Variants in SMCO4 observed in about 807,000 individuals in gnomAD.
SMCO4 encodes the protein single-pass membrane and coiled-coil domain-containing protein 4.
Under a neutral mutation model 3.6 loss-of-function variants are expected in SMCO4, and 4 were observed. The ratio of observed to expected loss-of-function variants is 1.11; its 90% CI spans 0.54 to 2.53. SMCO4 has a LOEUF of 2.53. Ranked by LOEUF, SMCO4 falls within the 30% of genes most tolerant of loss-of-function variation. The pLI, the probability that SMCO4 is intolerant of heterozygous loss-of-function variation, is 0.02. For missense variants in SMCO4, 70 were observed against 80.8 expected, an observed-to-expected ratio of 0.87 and a Z score of 0.51; for synonymous variants, 36 against 35.3, an observed-to-expected ratio of 1.02 and a Z score of -0.07.
At chr11:93,517,186 G>A (rs1019042054) in intron 1 of SMCO4, among the ~76,000 whole-genome samples, 16 of 152,130 alleles carry the variant, frequency 1.1e-4, no homozygotes, top group Admixed American at 9.2e-4. Flanking sequence ...CATCTCCATC[G>A]ATGTGTGCTC....
intron 2 of SMCO4, among the ~76,000 whole-genome samples, chr11:93,497,194 G>A (rs1462916477): frequency 6.6e-6 from 1 of 152,122 alleles, no homozygotes; most frequent in Non-Finnish European, 1.5e-5. Flanking sequence ...ATTAAAAGTT[G>A]AGCAATTTTT....
intron 2 of SMCO4, among the ~76,000 whole-genome samples, chr11:93,489,849 CTCAACTCTGTTCTT>C (rs1438694141): frequency 6.6e-6 from 1 of 151,828 alleles, no homozygotes; most frequent in Non-Finnish European, 1.5e-5. Context: ...ATGCTAGACT[CTCAACTCTGTTCTT>C]TCAACTAAGC....
chr11:93,488,821 C>G (rs1359019606), intron 2 of SMCO4, among the ~76,000 whole-genome samples: 1 of 152,040 alleles, frequency 6.6e-6, no homozygotes, highest in Non-Finnish European at 1.5e-5. Context: ...GGACTAAGCC[C>G]TGGAGCAATC....
intron 1 of SMCO4, among the ~76,000 whole-genome samples, chr11:93,539,621 T>C (rs1244246990): frequency 6.6e-6 from 1 of 152,176 alleles, no homozygotes; most frequent in East Asian, 1.9e-4. Context: ...AATTCTGGCA[T>C]CAGTCACAAC....
At chr11:93,514,374 CTATATATATA>C (rs148462986) in intron 1 of SMCO4, among the ~76,000 whole-genome samples, 1,044 of 38,846 alleles carry the variant, frequency 0.027, 28 homozygotes, top group Admixed American at 0.053. Flanking sequence ...CAGGATGAGG[CTATATATATA>C]TATATATATA....
intron 1 of SMCO4, among the ~76,000 whole-genome samples, chr11:93,534,215 TACACACACACACAC>T (rs71064754): frequency 1.6e-4 from 20 of 128,416 alleles, no homozygotes; most frequent in Admixed American, 4.2e-4. Context: ...AATATATATA[TACACACACACACAC>T]ACACACACAC....
intron 1 of SMCO4, among the ~76,000 whole-genome samples, chr11:93,527,967 TC>T (rs1949125741): frequency 6.6e-6 from 1 of 152,124 alleles, no homozygotes; most frequent in African/African-American, 2.4e-5. Context: ...AATAGGAATG[TC>T]ATAGGTTCAC....
intron 1 of SMCO4, among the ~76,000 whole-genome samples, chr11:93,515,807 ACACCACTGTACGT>A (rs1949003222): frequency 6.6e-6 from 1 of 152,172 alleles, no homozygotes; most frequent in African/African-American, 2.4e-5. Context: ...AATGTGCACT[ACACCACTGTACGT>A]CTCCCCAGCC....
At chr11:93,524,248 G>A (rs1411255297) in intron 1 of SMCO4, among the ~76,000 whole-genome samples, 1 of 152,184 alleles carries the variant, frequency 6.6e-6, no homozygotes, top group Non-Finnish European at 1.5e-5. Flanking sequence ...TCAGTAACCA[G>A]CTCAGGCTCA....
chr11:93,512,583 C>G (rs1217065579), intron 1 of SMCO4, among the ~76,000 whole-genome samples: 1 of 152,168 alleles, frequency 6.6e-6, no homozygotes, highest in African/African-American at 2.4e-5. Flanking sequence ...TACACAAATG[C>G]TTACCATTGT....
chr11:93,482,744 C>T (rs993113321), intron 2 of SMCO4, among the ~76,000 whole-genome samples: 1 of 152,202 alleles, frequency 6.6e-6, no homozygotes, highest in Admixed American at 6.5e-5. Context: ...GTCAGTGGCA[C>T]GTGCTCAGTG....
intron 1 of SMCO4, among the ~76,000 whole-genome samples, chr11:93,513,338 C>T (rs564800543): frequency 6.6e-6 from 1 of 152,182 alleles, no homozygotes; most frequent in Admixed American, 6.5e-5. Flanking sequence ...ACAAGTTTGA[C>T]AAAATAAAAC....
chr11:93,513,090 C>G (rs1226474094), intron 1 of SMCO4, among the ~76,000 whole-genome samples: 1 of 152,252 alleles, frequency 6.6e-6, no homozygotes, highest in African/African-American at 2.4e-5. Context: ...GAAGAATCAT[C>G]CAACTTGCAT....
At chr11:93,527,071 G>A (rs1220219546) in intron 1 of SMCO4, among the ~76,000 whole-genome samples, 1 of 152,150 alleles carries the variant, frequency 6.6e-6, no homozygotes, top group Non-Finnish European at 1.5e-5. Flanking sequence ...CTTGGCAACC[G>A]CTGACAGGCA....
At chr11:93,492,861 A>C (rs1042526631) in intron 2 of SMCO4, among the ~76,000 whole-genome samples, 15 of 152,176 alleles carry the variant, frequency 9.9e-5, no homozygotes, top group African/African-American at 3.4e-4. Context: ...TGTGTGCTTC[A>C]CTGCAGACCT....
At chr11:93,509,217 G>A (rs1563635) in intron 1 of SMCO4, among the ~76,000 whole-genome samples, 52,220 of 151,308 alleles carry the variant, frequency 0.35, 9,558 homozygotes, top group East Asian at 0.7. Flanking sequence ...CTTGCACCCA[G>A]AAGCTCAAGG....
chr11:93,516,680 C>G (rs1949010375), intron 1 of SMCO4, among the ~76,000 whole-genome samples: 1 of 151,990 alleles, frequency 6.6e-6, no homozygotes, highest in Non-Finnish European at 1.5e-5. Context: ...GTCCCAGCTA[C>G]CCGGGAGGCT....
At chr11:93,514,408 AT>A (rs1565383074) in intron 1 of SMCO4, among the ~76,000 whole-genome samples, 471 of 28,832 alleles carry the variant, frequency 0.016, 19 homozygotes, top group South Asian at 0.067. Flanking sequence ...ATATATATAT[AT>A]ATATATATAT....
intron 2 of SMCO4, among the ~76,000 whole-genome samples, chr11:93,487,050 G>A (rs1426525390): frequency 1.2e-4 from 19 of 152,170 alleles, no homozygotes; most frequent in Admixed American, 1.2e-3. Flanking sequence ...CATTAGAAGG[G>A]CCAAACTGCT....
Sources: gnomAD v4.1 joint callset for allele counts (sites outside exome capture counted in the v4.1 genomes callset) on GRCh38, gnomAD v4.1.1 for gene constraint, MANE v1.5 for transcripts, NCBI Gene and HGNC (gene_info 2026-07-23, HGNC 2026-07-21) for gene names.